Variants in GRIN2A observed in about 807,000 individuals in gnomAD.
GRIN2A encodes glutamate ionotropic receptor NMDA type subunit 2A, also known as glutamate receptor ionotropic, NMDA 2A.
Under a neutral mutation model 113.4 loss-of-function variants are expected in GRIN2A, and 22 were observed. That is an observed-to-expected ratio of 0.19 (90% CI 0.14 to 0.28). The LOEUF (loss-of-function observed/expected upper bound fraction) is 0.28. GRIN2A is among the 10% of genes least tolerant of loss of function. The pLI is 1.00. For synonymous variants in GRIN2A, 827 were observed against 738.4 expected (o/e 1.12, Z -1.94); for missense variants, 1,502 against 1,887.0 (o/e 0.80, Z 3.78).
chr16:9,882,378 A>T (rs905984805), intron 4 of GRIN2A, among the ~76,000 whole-genome samples: 1 of 152,192 alleles, frequency 6.6e-6, no homozygotes, highest in African/African-American at 2.4e-5. Context: ...CCTTTATCAT[A>T]TCTGTACTAG....
At chr16:9,840,915 G>T (rs1415063778) in intron 6 of GRIN2A, 21 bp downstream of exon 6, 1 of 1,612,370 alleles carries the variant, frequency 6.2e-7, no homozygotes, top group Non-Finnish European at 8.5e-7. Flanking sequence ...TAAGAGCCTA[G>T]GGGATGAAAA....
rs139119497 is a variant in GRIN2A at position 9,849,929 on chromosome 16, C to G, written c.1155G>C (p.Leu385=). 25 of 1,613,966 alleles carry G rather than the reference C, an allele frequency of 1.5e-5. No individual in the cohort carries two copies. In the African/African-American group the frequency reaches 3.1e-4, roughly 20 times the overall value. Reference sequence around the variant, plus strand: ...TGTACCTGGGCCACACGGCGTGCCTCAGGCTCAGCGTATGGTTCTCCCACT... The same window carrying G: ...TGTACCTGGGCCACACGGCGTGCCTGAGGCTCAGCGTATGGTTCTCCCACT... The part of the protein sequence containing the change: ...VGKWENHTLS[L]RHAVWPRYKS... The change falls in exon 5 of 13, where the codon CTG becomes CTC. Residue 385 remains leucine, a synonymous_variant. Coordinates refer to ENST00000330684, the MANE Select transcript of GRIN2A (RefSeq NM_001134407.3).
intron 2 of GRIN2A, among the ~76,000 whole-genome samples, chr16:10,170,831 C>G (rs1186355263): frequency 1.3e-5 from 2 of 150,816 alleles, no homozygotes; most frequent in African/African-American, 4.9e-5. Flanking sequence ...GAACTATGAT[C>G]ATGCCACTGC....
At chr16:10,058,509 G>A (rs927520971) in intron 2 of GRIN2A, among the ~76,000 whole-genome samples, 5 of 152,070 alleles carry the variant, frequency 3.3e-5, no homozygotes, top group African/African-American at 1.2e-4. Flanking sequence ...CTACAACAAT[G>A]ATAATGTGAT....
intron 2 of GRIN2A, among the ~76,000 whole-genome samples, chr16:10,078,657 T>C (rs1321578559): frequency 2.6e-5 from 4 of 152,152 alleles, no homozygotes; most frequent in Non-Finnish European, 5.9e-5. Flanking sequence ...GCTACTGCCC[T>C]GCGAGGCAAC....
At chr16:9,814,498 G>A (rs1280852936) in intron 10 of GRIN2A, among the ~76,000 whole-genome samples, 2 of 152,142 alleles carry the variant, frequency 1.3e-5, no homozygotes, top group Non-Finnish European at 1.5e-5. Context: ...GTGCAAAGAT[G>A]CCTGGACATA....
chr16:10,039,623 A>G (rs2047105286), intron 2 of GRIN2A, among the ~76,000 whole-genome samples: 1 of 151,478 alleles, frequency 6.6e-6, no homozygotes, highest in African/African-American at 2.4e-5. Flanking sequence ...GGGCGCGGGG[A>G]GGGTCTGCGC....
intron 3 of GRIN2A, among the ~76,000 whole-genome samples, chr16:9,905,630 T>C (rs1272763324): frequency 2.0e-5 from 3 of 152,254 alleles, no homozygotes; most frequent in African/African-American, 4.8e-5. Context: ...TTCACGGGAC[T>C]GCATCCCTTC....
intron 2 of GRIN2A, among the ~76,000 whole-genome samples, chr16:10,067,953 T>A (rs2047680567): frequency 6.6e-6 from 1 of 152,214 alleles, no homozygotes; most frequent in African/African-American, 2.4e-5. Flanking sequence ...AGAGTACAGA[T>A]CAGCTCTGCT....
intron 2 of GRIN2A, among the ~76,000 whole-genome samples, chr16:9,953,111 A>G (rs1875210): frequency 0.52 from 78,742 of 152,066 alleles, 22,139 homozygotes; most frequent in African/African-American, 0.73. Context: ...AAATCTCACT[A>G]AAGCAACTCC....
chr16:10,099,466 G>C (rs767543916), intron 2 of GRIN2A, among the ~76,000 whole-genome samples: 1 of 135,146 alleles, frequency 7.4e-6, no homozygotes, highest in Non-Finnish European at 1.6e-5. Context: ...ATGCCATCCT[G>C]TCTCCCTCCC....
intron 4 of GRIN2A, among the ~76,000 whole-genome samples, chr16:9,877,826 C>G (rs1313987105): frequency 2.6e-5 from 3 of 113,638 alleles, no homozygotes; most frequent in African/African-American, 3.9e-5. Context: ...CCCATCCCCC[C>G]TCCCTGTCCT....
intron 3 of GRIN2A, among the ~76,000 whole-genome samples, chr16:9,915,503 A>G (rs970172742): frequency 1.3e-5 from 2 of 152,314 alleles, no homozygotes; most frequent in South Asian, 2.1e-4. Context: ...CATTGCCCCA[A>G]TTACTTGTTT....
At chr16:9,832,440 C>A (rs1208034016) in intron 8 of GRIN2A, among the ~76,000 whole-genome samples, 2 of 152,136 alleles carry the variant, frequency 1.3e-5, no homozygotes, top group Non-Finnish European at 2.9e-5. Context: ...CACCCCATCA[C>A]TATCATGTCA....
At chr16:9,923,104 C>A (rs573860946) in intron 3 of GRIN2A, among the ~76,000 whole-genome samples, 1 of 151,858 alleles carries the variant, frequency 6.6e-6, no homozygotes, top group Admixed American at 6.6e-5. Flanking sequence ...AATTTATTTC[C>A]CCTTGCAGTT....
chr16:10,123,938 A>C (rs1292374661), intron 2 of GRIN2A, among the ~76,000 whole-genome samples: 1 of 152,206 alleles, frequency 6.6e-6, no homozygotes, highest in African/African-American at 2.4e-5. Context: ...CACTCGGCAC[A>C]GTGTATGGCA....
chr16:9,915,953 G>C (rs1244394829), intron 3 of GRIN2A, among the ~76,000 whole-genome samples: 1 of 152,170 alleles, frequency 6.6e-6, no homozygotes, highest in Admixed American at 6.5e-5. Context: ...TAATACCTTT[G>C]GTTGTTGTTA....
At chr16:10,009,290 C>T (rs1463792737) in intron 2 of GRIN2A, among the ~76,000 whole-genome samples, 1 of 152,032 alleles carries the variant, frequency 6.6e-6, no homozygotes, top group South Asian at 2.1e-4. Context: ...GTGGGTATTG[C>T]CTATTCAAAA....
intron 4 of GRIN2A, among the ~76,000 whole-genome samples, chr16:9,872,848 G>A (rs2043293931): frequency 6.6e-6 from 1 of 151,314 alleles, no homozygotes; most frequent in Admixed American, 6.6e-5. Flanking sequence ...TGAGTAACAT[G>A]GCGAAACCCT....
Sources: allele counts gnomAD v4.1 joint callset (sites outside exome capture counted in the v4.1 genomes callset), GRCh38; gene constraint gnomAD v4.1.1; transcripts MANE v1.5; gene names NCBI Gene and HGNC (gene_info 2026-07-23, HGNC 2026-07-21).